LINGO2: variants seen among roughly 807,000 people sequenced by gnomAD.
The protein encoded by LINGO2 is leucine-rich repeat and immunoglobulin-like domain-containing nogo receptor-interacting protein 2.
LINGO2 carries 14 observed loss-of-function variants against 30.6 expected under a neutral mutation model. The ratio of observed to expected loss-of-function variants is 0.46; its 90% CI spans 0.30 to 0.72. LINGO2 has a LOEUF of 0.72. LINGO2 is among the 30% of genes least tolerant of loss of function. The pLI is 0.07. For missense variants in LINGO2, 729 were observed against 751.7 expected, an observed-to-expected ratio of 0.97 and a Z score of 0.35; for synonymous variants, 317 against 288.5, an observed-to-expected ratio of 1.10 and a Z score of -1.00.
chr9:28,931,292 G>C, the LINGO2 span, among the ~76,000 whole-genome samples: 1 of 152,182 alleles, frequency 6.6e-6, no homozygotes, highest in Admixed American at 6.5e-5. Context: ...ATAAAAGAGT[G>C]AATAACCATG....
intron 2 of LINGO2, among the ~76,000 whole-genome samples, chr9:28,462,189 G>C (rs942113894): frequency 1.3e-5 from 2 of 151,906 alleles, no homozygotes; most frequent in African/African-American, 4.8e-5. Flanking sequence ...TGTCCATTAG[G>C]GTTAGATGAA....
At chr9:29,208,372 T>A in the LINGO2 span, among the ~76,000 whole-genome samples, 1 of 152,084 alleles carries the variant, frequency 6.6e-6, no homozygotes, top group African/African-American at 2.4e-5. Context: ...AATGCCCAAA[T>A]GAACTTTTAT....
intron 2 of LINGO2, among the ~76,000 whole-genome samples, chr9:28,397,372 TAC>T (rs372603505): frequency 7.8e-6 from 1 of 128,764 alleles, no homozygotes; most frequent in African/African-American, 2.7e-5. Context: ...TATATATATA[TAC>T]ATATATATAT....
chr9:28,213,673 A>T (rs1820670454), intron 4 of LINGO2, among the ~76,000 whole-genome samples: 1 of 151,432 alleles, frequency 6.6e-6, no homozygotes, highest in Admixed American at 6.6e-5. Context: ...TCAGTTTATA[A>T]GTGGTCACTT....
intron 4 of LINGO2, among the ~76,000 whole-genome samples, chr9:28,222,907 C>T (rs10968395): frequency 2.6e-5 from 4 of 151,866 alleles, no homozygotes; most frequent in Admixed American, 6.6e-5. Context: ...ATGGTACTCT[C>T]GGGGAACAGC....
chr9:28,231,574 A>C (rs533924952), intron 4 of LINGO2, among the ~76,000 whole-genome samples: 2 of 152,276 alleles, frequency 1.3e-5, no homozygotes, highest in South Asian at 4.1e-4. Context: ...ATTTGGGAAC[A>C]AGCATGAGAT....
intron 5 of LINGO2, among the ~76,000 whole-genome samples, chr9:27,976,066 G>A (rs1417074147): frequency 2.0e-5 from 3 of 152,118 alleles, no homozygotes; most frequent in Admixed American, 1.3e-4. Context: ...AATTAAAATG[G>A]GGCAGTTACT....
rs145059675 is a variant in LINGO2, at chr9:28,381,209, A to C, written c.-278-8341T>G. 9.5e-4 allele frequency among the ~76,000 whole-genome samples: 145 copies of C among 152,216 alleles called. 1 individual carries two copies. The highest frequency in any genetic ancestry group is 3.1e-3 in the African/African-American group (130 of 41,548). ...GTAACTTCAGAACAGAGCAAAAAAA[A>C]CAAAAAAACAAAAACAAACAAACAA... On this transcript the variant is annotated intron_variant, in intron 2 of 5. Coordinates refer to ENST00000379992, the Ensembl canonical transcript of LINGO2.
the LINGO2 span, among the ~76,000 whole-genome samples, chr9:28,742,009 G>C: frequency 1.3e-5 from 2 of 151,704 alleles, no homozygotes; most frequent in Non-Finnish European, 2.9e-5. Flanking sequence ...CATGTCTTGA[G>C]CCTAGGACTG....
intron 1 of LINGO2, among the ~76,000 whole-genome samples, chr9:28,557,059 G>A (rs984215337): frequency 9.9e-5 from 15 of 151,888 alleles, no homozygotes; most frequent in African/African-American, 3.6e-4. Flanking sequence ...AGAAAACCTA[G>A]GCATTACCAT....
At chr9:28,867,489 A>G in the LINGO2 span, among the ~76,000 whole-genome samples, 2 of 152,030 alleles carry the variant, frequency 1.3e-5, no homozygotes, top group African/African-American at 2.4e-5. Context: ...GTAAAGAAAA[A>G]AAAAAAAAGA....
At chr9:29,009,966 T>C in the LINGO2 span, among the ~76,000 whole-genome samples, 1 of 152,208 alleles carries the variant, frequency 6.6e-6, no homozygotes, top group Non-Finnish European at 1.5e-5. Context: ...CTGGGAAAAC[T>C]GGCTAGCCAT....
chr9:29,035,383 C>T, the LINGO2 span, among the ~76,000 whole-genome samples: 4 of 151,838 alleles, frequency 2.6e-5, no homozygotes, highest in Non-Finnish European at 4.4e-5. Flanking sequence ...TTCTTCCTGG[C>T]TTGAAAATTC....
the LINGO2 span, among the ~76,000 whole-genome samples, chr9:28,832,089 A>G: frequency 6.6e-6 from 1 of 152,138 alleles, no homozygotes; most frequent in East Asian, 1.9e-4. Flanking sequence ...AAATTATTTG[A>G]CTTGCTCACC....
At chr9:28,053,625 G>C (rs1824778716) in intron 4 of LINGO2, among the ~76,000 whole-genome samples, 1 of 151,992 alleles carries the variant, frequency 6.6e-6, no homozygotes, top group Admixed American at 6.6e-5. Context: ...TAGATGAGTG[G>C]TTCTTAGCGC....
At chr9:28,656,610 G>C (rs918170658) in intron 1 of LINGO2, among the ~76,000 whole-genome samples, 1 of 152,138 alleles carries the variant, frequency 6.6e-6, no homozygotes, top group Non-Finnish European at 1.5e-5. Flanking sequence ...GCATGATAAA[G>C]AGAGATTGAG....
intron 1 of LINGO2, among the ~76,000 whole-genome samples, chr9:28,514,549 C>A (rs1448536573): frequency 1.3e-5 from 2 of 152,114 alleles, no homozygotes; most frequent in African/African-American, 2.4e-5. Context: ...ATTCTCTAAG[C>A]CAAAACCTAA....
At chr9:28,887,040 G>A in the LINGO2 span, among the ~76,000 whole-genome samples, 1 of 152,130 alleles carries the variant, frequency 6.6e-6, no homozygotes, top group Non-Finnish European at 1.5e-5. Flanking sequence ...AGCAGGGTAT[G>A]AACAAGAAAG....
the LINGO2 span, among the ~76,000 whole-genome samples, chr9:28,840,487 C>A: frequency 1.3e-5 from 2 of 151,798 alleles, no homozygotes; most frequent in Non-Finnish European, 2.9e-5. Flanking sequence ...TAACAACATC[C>A]CCTCCACTGA....
Sources: allele counts gnomAD v4.1 joint callset (sites outside exome capture counted in the v4.1 genomes callset), GRCh38; gene constraint gnomAD v4.1.1; transcripts MANE v1.5; gene names NCBI Gene and HGNC (gene_info 2026-07-23, HGNC 2026-07-21).